The following ECI1 variants were observed in gnomAD, a reference collection of about 807,000 sequenced individuals.
ECI1 encodes enoyl-CoA delta isomerase 1, also known as enoyl-CoA delta isomerase 1, mitochondrial.
ECI1 carries 34 observed loss-of-function variants against 34.2 expected under a neutral mutation model. That is an observed-to-expected ratio of 1.00 (90% CI 0.76 to 1.33). The LOEUF is 1.33. Ranked by LOEUF, ECI1 falls within the 40% of genes most tolerant of loss-of-function variation. The pLI is 0.00. For synonymous variants in ECI1, 211 were observed against 193.0 expected (o/e 1.09, Z -0.77); for missense variants, 456 against 422.2 (o/e 1.08, Z -0.70).
At chr16:2,240,356 C>A in intron 6 of ECI1, 1 of 527,530 alleles carries the variant, frequency 1.9e-6, no homozygotes, top group Admixed American at 3.1e-5. Flanking sequence ...GGATTACAAC[C>A]GTGTGCCACC....
chr16:2,244,502 C>T lies in ECI1; in HGVS notation c.345G>A (p.Gly115=), dbSNP rs772989313. The T allele has an allele frequency of 6.4e-5, 103 of 1,606,564 alleles. No individual in the cohort carries two copies. In the South Asian group the frequency reaches 1.0e-3, roughly 16 times the overall value. The change falls in exon 4 of 7, where the codon GGG becomes GGA. Residue 115 remains glycine (G), a synonymous_variant. Transcript: ENST00000301729. The part of the protein sequence containing the change: ...SAGLDLTEMC[G]RSPAHYAGYW... The stretch of plus-strand genomic sequence containing the variant: ...ACCCAGCGTAGTGGGCGGGGCTCCT[C>T]CCACACATCTCCGTCAGGTCCAGGC...
Position 2,240,253 on chromosome 16 carries a change from C to T in ECI1, c.743-108G>A, listed in dbSNP as rs1349163807. 3.1e-6 allele frequency: 4 copies of T among 1,296,246 alleles called. No individual in the cohort carries two copies. In the African/African-American group the frequency reaches 4.4e-5, roughly 14 times the overall value. 80.3% of individuals were successfully genotyped at this position (1,296,246 alleles called of 1,614,324 possible). The stretch of plus-strand genomic sequence containing the variant: ...TTGAGACGGAGTCTTGCTCTGTCGC[C>T]CAGGCTGGAGTGCAATGGTGGGATC... On this transcript the variant is annotated intron_variant, in intron 6 of 6. Transcript: ENST00000301729.
At chr16:2,241,188 C>T (rs2093527467) in intron 6 of ECI1, 1 of 151,952 alleles carries the variant, frequency 6.6e-6, no homozygotes, top group African/African-American at 2.4e-5. Flanking sequence ...AAAAAATTTC[C>T]ATGGCACTAT....
At chr16:2,244,576 T>G (rs977958254) in intron 3 of ECI1, 24 bp from the exon 4 acceptor site, 2 of 1,566,284 alleles carry the variant, frequency 1.3e-6, no homozygotes, top group Admixed American at 1.9e-5. Context: ...CGGGGCCACA[T>G]GCCCATCAGA....
chr16:2,246,812 T>G (rs770701669), intron 3 of ECI1, 47 bp downstream of exon 3: 2 of 1,610,552 alleles, frequency 1.2e-6, no homozygotes, highest in East Asian at 4.5e-5. Flanking sequence ...ATCAGAGAAC[T>G]CAGGCCAAGA....
At chr16:2,244,767 C>T (rs1186462389) in intron 3 of ECI1, among the ~76,000 whole-genome samples, 1 of 152,212 alleles carries the variant, frequency 6.6e-6, no homozygotes, top group Non-Finnish European at 1.5e-5. Context: ...GAACATTCTT[C>T]CCTTTCCCGC....
In ECI1 at chr16:2,240,451, T is replaced by A. The variant is rs1244199366; in HGVS notation, c.743-306A>T. Reference sequence around the variant, plus strand: ...GTCCCGAACTCCTGACCTCAGGTGATCCACCCATCTCGGCCTCCCCAAGTG... The same window carrying A: ...GTCCCGAACTCCTGACCTCAGGTGAACCACCCATCTCGGCCTCCCCAAGTG... On this transcript the variant is annotated intron_variant, in intron 6 of 6. Transcript: ENST00000301729. The A allele has an allele frequency of 6.0e-5, 21 of 348,516 alleles. No individual in the cohort carries two copies. In the East Asian group the frequency reaches 1.5e-3, roughly 24 times the overall value. 21.6% of individuals were successfully genotyped at this position (348,516 alleles called of 1,614,324 possible). A position where few individuals can be genotyped will look rare whatever the true frequency, so the allele number is the denominator to read the frequency against.
Position 2,244,511 on chromosome 16 carries a change from C to T in ECI1, c.336G>A (p.Glu112=). 6.2e-7 allele frequency: 1 copy of T among 1,603,688 alleles called. No homozygotes were observed. The highest frequency in any genetic ancestry group is 8.5e-7 in the Non-Finnish European group (1 of 1,175,948). The change falls in exon 4 of 7, where the codon GAG becomes GAA. Residue 112 remains glutamate (E), a synonymous_variant. Coordinates refer to ENST00000301729, the MANE Select transcript of ECI1 (RefSeq NM_001919.4). The part of the protein sequence containing the change: ...GVFSAGLDLT[E]MCGRSPAHYA... ...AGTGGGCGGGGCTCCTCCCACACAT[C>T]TCCGTCAGGTCCAGGCCGGCCGAGA...
At chr16:2,242,621 G>A in intron 6 of ECI1, 1 of 215,762 alleles carries the variant, frequency 4.6e-6, no homozygotes, top group Non-Finnish European at 9.4e-6. Flanking sequence ...TGGATTTAAG[G>A]TAGGTCCTAA....
In ECI1 at chr16:2,246,897, C is replaced by T. The variant is rs1187264913; in HGVS notation, c.256G>A (p.Glu86Lys). 6.2e-7 allele frequency: 1 copy of T among 1,613,696 alleles called. No individual in the cohort carries two copies. Among genetic ancestry groups the T allele is most frequent in the Non-Finnish European group, 8.5e-7 (1 of 1,180,022 alleles). ...TELVISLEKL[E>K]NDKSFRGVIL... ...ACACCGCGGAAGCTCTTGTCATTCTCCAGCTTCTCCAGGCTGATGACCAGC... is the reference window on the plus strand; with the variant it reads ...ACACCGCGGAAGCTCTTGTCATTCTTCAGCTTCTCCAGGCTGATGACCAGC... Residue 86 changes from glutamate to lysine, a missense_variant, in exon 3 of 7, where the codon GAG becomes AAG. Transcript: ENST00000301729.
chr16:2,247,016 ACAC>A (rs2093541997), intron 2 of ECI1, 30 bp from the exon 3 acceptor site: 2 of 1,604,216 alleles, frequency 1.2e-6, no homozygotes, highest in Non-Finnish European at 1.7e-6. Context: ...GAGAAAGCTC[ACAC>A]CTGGCACTGG....
At chr16:2,244,650 G>C in intron 3 of ECI1, 98 bp from the exon 4 acceptor site, 1 of 1,345,916 alleles carries the variant, frequency 7.4e-7, no homozygotes, top group South Asian at 1.3e-5. Flanking sequence ...ACGCACAGCA[G>C]GGCCAGGTCA....
chr16:2,243,818 C>T (rs1362771976), intron 4 of ECI1, among the ~76,000 whole-genome samples: 1 of 152,204 alleles, frequency 6.6e-6, no homozygotes, highest in African/African-American at 2.4e-5. Context: ...GGCCCCGATA[C>T]CACCCCAGCA....
At chr16:2,250,075 G>A (rs956045437) in intron 2 of ECI1, among the ~76,000 whole-genome samples, 13 of 147,878 alleles carry the variant, frequency 8.8e-5, no homozygotes, top group African/African-American at 3.0e-4. Flanking sequence ...ATATGCTACA[G>A]AAATGATCCC....
intron 2 of ECI1, among the ~76,000 whole-genome samples, chr16:2,247,804 TC>T (rs2093543749): frequency 1.3e-5 from 2 of 152,186 alleles, no homozygotes; most frequent in African/African-American, 2.4e-5. Flanking sequence ...CCTCCTGGGC[TC>T]CAGCGATCCT....
intron 2 of ECI1, among the ~76,000 whole-genome samples, chr16:2,249,106 C>T (rs1208955802): frequency 1.3e-5 from 2 of 152,052 alleles, no homozygotes; most frequent in Non-Finnish European, 2.9e-5. Context: ...AGTGCAGTGG[C>T]GCGATCTCGG....
At chr16:2,249,875 T>G (rs1347347401) in intron 2 of ECI1, among the ~76,000 whole-genome samples, 1 of 6,662 alleles carries the variant, frequency 1.5e-4, no homozygotes, top group Admixed American at 3.0e-3. Context: ...AGACTCCGTC[T>G]CAAAAAAAAA....
At chr16:2,246,061 ACG>A (rs2093539445) in intron 3 of ECI1, among the ~76,000 whole-genome samples, 1 of 152,094 alleles carries the variant, frequency 6.6e-6, no homozygotes, top group Non-Finnish European at 1.5e-5. Context: ...CTGTAAAGCC[ACG>A]CCAGCCTCCG....
chr16:2,244,192 T>C, intron 4 of ECI1: 1 of 619,922 alleles, frequency 1.6e-6, no homozygotes, highest in East Asian at 2.8e-5. Context: ...TTTCTGGGTC[T>C]TGTCTGATTG....
Sources: gnomAD v4.1 joint callset for allele counts (sites outside exome capture counted in the v4.1 genomes callset) on GRCh38, gnomAD v4.1.1 for gene constraint, MANE v1.5 for transcripts, NCBI Gene and HGNC (gene_info 2026-07-23, HGNC 2026-07-21) for gene names.